Variants in NRK observed in about 807,000 individuals in gnomAD.
NRK encodes the protein nik-related protein kinase.
In NRK, 67 loss-of-function variants were observed where a neutral mutation model predicts 125.2. That is an observed-to-expected ratio of 0.54 (90% confidence interval 0.44 to 0.66). The LOEUF (loss-of-function observed/expected upper bound fraction) is 0.66. Ranked by LOEUF, NRK falls within the 30% of genes least tolerant of loss-of-function variation. The pLI, the probability that NRK is intolerant of heterozygous loss-of-function variation, is 0.00. For missense variants in NRK, 1,224 were observed against 1,192.9 expected, an observed-to-expected ratio of 1.03 and a Z score of -0.38; for synonymous variants, 458 against 429.0, an observed-to-expected ratio of 1.07 and a Z score of -0.84.
intron 19 of NRK, among the ~76,000 whole-genome samples, chrX:105,933,166 G>GTCTGTCTA (rs1187792696): frequency 2.0e-5 from 2 of 101,128 alleles, no homozygotes; most frequent in South Asian, 4.8e-4. Context: ...ATCTATGTCT[G>GTCTGTCTA]TCTATCTATC....
intron 2 of NRK, among the ~76,000 whole-genome samples, chrX:105,843,067 G>A (rs901839305): frequency 1.8e-5 from 2 of 111,468 alleles, no homozygotes; most frequent in African/African-American, 3.3e-5. Context: ...AACCTGGACT[G>A]TTTCATTTCA....
chrX:105,885,647 A>G (rs2039934072), intron 4 of NRK, among the ~76,000 whole-genome samples: 1 of 111,900 alleles, frequency 8.9e-6, no homozygotes, highest in Non-Finnish European at 1.9e-5. Flanking sequence ...ACAAGCAGAC[A>G]TCACTGAAAC....
chrX:105,845,586 G>A (rs988187045), intron 2 of NRK, among the ~76,000 whole-genome samples: 5 of 112,128 alleles, frequency 4.5e-5, no homozygotes, highest in Admixed American at 1.9e-4. Flanking sequence ...GTAAATGGGC[G>A]TGTTCTTTAC....
At chrX:105,941,555 A>AGAGAGAGAGAGAGAG (rs2040741294) in intron 23 of NRK, among the ~76,000 whole-genome samples, 1 of 85,277 alleles carries the variant, frequency 1.2e-5, no homozygotes, top group African/African-American at 4.7e-5. Flanking sequence ...GAGAGACAGA[A>AGAGAGAGAGAGAGAG]AGAGAGAGAG....
rs950419551 is a variant in NRK at position 105,956,957 on chromosome X, A to C, written c.*1357A>C. The C allele has an allele frequency of 1.8e-5, 2 of 112,457 alleles. No homozygotes were observed. The highest frequency in any genetic ancestry group is 3.8e-5 in the Non-Finnish European group (2 of 53,208). 9.3% of individuals were successfully genotyped at this position (112,457 alleles called of 1,213,427 possible). On this transcript the variant is annotated 3_prime_UTR_variant, in exon 29 of 29. Coordinates refer to ENST00000243300, the MANE Select transcript of NRK (RefSeq NM_198465.4). ...ATATAATTCCTCTAGTTCTGCTTCT[A>C]AAATCTGAGGACAGTGCTAGTGGGA... is the stretch of plus-strand genomic sequence containing the variant.
intron 5 of NRK, among the ~76,000 whole-genome samples, chrX:105,889,153 C>A (rs971233607): frequency 8.9e-6 from 1 of 112,697 alleles, no homozygotes. Flanking sequence ...GTAAATATGC[C>A]TGCTCCAAAT....
Position 105,946,470 on chromosome X carries a change from A to T in NRK, c.4353+6A>T. 8.7e-7 allele frequency: 1 copy of T among 1,153,445 alleles called. No homozygotes were observed. ...ATGTGACCCTGCCAAAGAATGTAAGATAACACCTTCAGATTCCTAGAAATT... is the reference window on the plus strand; with the variant it reads ...ATGTGACCCTGCCAAAGAATGTAAGTTAACACCTTCAGATTCCTAGAAATT... On this transcript the variant is annotated splice_donor_region_variant and intron_variant, in intron 26 of 28. Transcript: ENST00000243300.
In NRK at chrX:105,954,388, C is replaced by T. The variant is rs147894613; in HGVS notation, c.4654-1117C>T. Among the ~76,000 whole-genome samples, 672 of 110,253 alleles carry T rather than the reference C, an allele frequency of 6.1e-3. 4 individuals carry two copies. The highest frequency in any genetic ancestry group is 0.021 in the African/African-American group (643 of 30,365). Reference sequence around the variant, plus strand: ...TAAAGCAGATCTTAGAAGAGTTAAGCGAGGGCATTTTAAATTTTATTTAAC... The same window carrying T: ...TAAAGCAGATCTTAGAAGAGTTAAGTGAGGGCATTTTAAATTTTATTTAAC... On this transcript the variant is annotated intron_variant, in intron 28 of 28. Coordinates refer to ENST00000243300, the MANE Select transcript of NRK (RefSeq NM_198465.4).
At chrX:105,854,333 G>A (rs1433029216) in intron 2 of NRK, among the ~76,000 whole-genome samples, 2 of 111,747 alleles carry the variant, frequency 1.8e-5, no homozygotes, top group Non-Finnish European at 3.8e-5. Context: ...TGTCAATCCA[G>A]TTGTTTGACT....
intron 5 of NRK, among the ~76,000 whole-genome samples, chrX:105,893,435 C>T (rs1161192985): frequency 1.8e-5 from 2 of 112,177 alleles, no homozygotes; most frequent in Non-Finnish European, 3.8e-5. Context: ...CCTTGACCAT[C>T]CTTTCCTTCC....
At chrX:105,826,529 C>T (rs2039115371) in intron 1 of NRK, among the ~76,000 whole-genome samples, 1 of 104,595 alleles carries the variant, frequency 9.6e-6, no homozygotes, top group Non-Finnish European at 1.9e-5. Flanking sequence ...AATGACATTC[C>T]TCACGGCTGT....
At chrX:105,941,387 A>G (rs1234242439) in intron 23 of NRK, among the ~76,000 whole-genome samples, 2 of 111,543 alleles carry the variant, frequency 1.8e-5, no homozygotes, top group African/African-American at 6.5e-5. Flanking sequence ...AAGATCCACA[A>G]GACAGTGAAC....
chrX:105,853,094 T>G (rs969973401), intron 2 of NRK, among the ~76,000 whole-genome samples: 9 of 111,658 alleles, frequency 8.1e-5, no homozygotes, highest in Non-Finnish European at 1.3e-4. Flanking sequence ...TTTATGACCT[T>G]TTGGTATGGT....
intron 27 of NRK, among the ~76,000 whole-genome samples, chrX:105,952,351 C>T (rs1261056507): frequency 8.9e-6 from 1 of 111,875 alleles, no homozygotes; most frequent in African/African-American, 3.2e-5. Context: ...AAATACCTTG[C>T]AGCACCAGCT....
At chrX:105,849,437 C>A (rs1488502405) in intron 2 of NRK, among the ~76,000 whole-genome samples, 1 of 111,219 alleles carries the variant, frequency 9.0e-6, no homozygotes, top group Non-Finnish European at 1.9e-5. Context: ...CTCATGTCCT[C>A]ACATTATAAA....
chrX:105,914,510 A>G (rs144138136), intron 14 of NRK, among the ~76,000 whole-genome samples: 5,701 of 110,659 alleles, frequency 0.052, 388 homozygotes, highest in African/African-American at 0.18. Context: ...TTGAAATTAA[A>G]TACAGCCAAT....
chrX:105,822,850 C>G lies in NRK; in HGVS notation c.5C>G (p.Ala2Gly). The G allele has an allele frequency of 8.5e-7, 1 of 1,171,336 alleles. No individual in the cohort carries two copies. Among genetic ancestry groups the G allele is most frequent in the Admixed American group, 2.5e-5 (1 of 39,434 alleles). M[A>G]GPGGWRDREV... Reference sequence around the variant, plus strand: ...CCCGTTCGGCTCCTCGAAGCCATGGCGGGACCTGGGGGCTGGAGGGACAGG... The same window carrying G: ...CCCGTTCGGCTCCTCGAAGCCATGGGGGGACCTGGGGGCTGGAGGGACAGG... The change falls in exon 1 of 29, where the codon GCG becomes GGG. Residue 2 changes from alanine (A) to glycine (G), a missense_variant. Coordinates refer to ENST00000243300, the MANE Select transcript of NRK (RefSeq NM_198465.4).
chrX:105,895,896 A>G (rs1472279476), intron 7 of NRK, among the ~76,000 whole-genome samples: 2 of 112,301 alleles, frequency 1.8e-5, no homozygotes, highest in African/African-American at 6.5e-5. Flanking sequence ...AAAAAATAAA[A>G]AAATTATTTC....
At chrX:105,882,172 A>G (rs998557200) in intron 4 of NRK, among the ~76,000 whole-genome samples, 2 of 110,831 alleles carry the variant, frequency 1.8e-5, no homozygotes, top group Non-Finnish European at 3.8e-5. Context: ...GACATTCTGG[A>G]CTAATTGCTT....
Sources: gnomAD v4.1 joint callset for allele counts (sites outside exome capture counted in the v4.1 genomes callset) on GRCh38, gnomAD v4.1.1 for gene constraint, MANE v1.5 for transcripts, NCBI Gene and HGNC (gene_info 2026-07-23, HGNC 2026-07-21) for gene names.